The following ACSM6 variants were observed in gnomAD, a reference collection of about 807,000 sequenced individuals.
ACSM6 encodes the protein acyl-CoA synthetase medium chain family member 6, also known as acyl-coenzyme A synthetase ACSM6, mitochondrial.
Under a neutral mutation model 51.1 loss-of-function variants are expected in ACSM6, and 35 were observed. The observed-to-expected ratio is 0.69, with a 90% confidence interval of 0.52 to 0.91. ACSM6 has a LOEUF of 0.91. ACSM6 is among the 40% of genes least tolerant of loss of function. The probability of loss-of-function intolerance (pLI) is 0.00; values close to 1 mark genes in which losing one functional copy is unlikely to be tolerated. For synonymous variants in ACSM6, 172 were observed against 207.3 expected (o/e 0.83, Z 1.46); for missense variants, 509 against 584.1 (o/e 0.87, Z 1.32).
exon 11 of ACSM6, chr10:95,228,813 G>C: frequency 6.5e-7 from 1 of 1,542,564 alleles, no homozygotes. Flanking sequence ...TTGAGCCTGG[G>C]GCTGTGGGAG....
chr10:95,206,204 A>G (rs1459512871), intron 3 of ACSM6, among the ~76,000 whole-genome samples: 6 of 152,084 alleles, frequency 3.9e-5, no homozygotes, highest in Non-Finnish European at 7.4e-5. Flanking sequence ...TCTACTTCCT[A>G]TCTTTGGATT....
In ACSM6 at chr10:95,210,383, T is replaced by C. The variant is rs548033468; in HGVS notation, c.612-267T>C. On this transcript the variant is annotated intron_variant, in intron 4 of 10. Transcript: ENST00000341686. ...ATAATGATTACTACAGATTTTTGAC[T>C]TGAGCAATTGAATGAATAAAGAGGG... is the stretch of plus-strand genomic sequence containing the variant. Among the ~76,000 whole-genome samples the C allele has an allele frequency of 2.7e-3, 406 of 152,276 alleles. 2 individuals are homozygous for C. The highest frequency in any genetic ancestry group is 9.2e-3 in the African/African-American group (383 of 41,550).
chr10:95,222,123 G>A (rs904470596), intron 9 of ACSM6, among the ~76,000 whole-genome samples: 2 of 152,118 alleles, frequency 1.3e-5, no homozygotes, highest in Non-Finnish European at 2.9e-5. Flanking sequence ...CAGAAAGGAA[G>A]AAGTAAGATT....
At chr10:95,199,195 C>T (rs1218618557) in intron 2 of ACSM6, among the ~76,000 whole-genome samples, 12 of 152,164 alleles carry the variant, frequency 7.9e-5, no homozygotes, top group African/African-American at 2.2e-4. Context: ...GAAATAATGC[C>T]GCATATCTAC....
At chr10:95,221,617 C>A (rs2034996028) in intron 9 of ACSM6, among the ~76,000 whole-genome samples, 1 of 151,946 alleles carries the variant, frequency 6.6e-6, no homozygotes, top group African/African-American at 2.4e-5. Flanking sequence ...AATTATATGT[C>A]AACAAAATAG....
chr10:95,200,499 AAAGAAG>A (rs538640808), intron 2 of ACSM6, among the ~76,000 whole-genome samples: 4 of 151,822 alleles, frequency 2.6e-5, no homozygotes, highest in Non-Finnish European at 2.9e-5. Flanking sequence ...AAGAAGAAGA[AAAGAAG>A]AAGAAGAGGA....
chr10:95,205,152 A>T (rs1408554363), intron 3 of ACSM6, among the ~76,000 whole-genome samples: 1 of 152,236 alleles, frequency 6.6e-6, no homozygotes, highest in African/African-American at 2.4e-5. Flanking sequence ...TCAACATTAT[A>T]TCTGTAAACA....
intron 9 of ACSM6, among the ~76,000 whole-genome samples, chr10:95,224,470 G>GC (rs1212918447): frequency 6.6e-6 from 1 of 152,210 alleles, no homozygotes; most frequent in East Asian, 1.9e-4. Context: ...AGGCTGGGGT[G>GC]CAATGGCATG....
At chr10:95,204,357 A>AC (rs2034821766) in intron 3 of ACSM6, among the ~76,000 whole-genome samples, 1 of 152,008 alleles carries the variant, frequency 6.6e-6, no homozygotes, top group South Asian at 2.1e-4. Context: ...TTCGGGACCA[A>AC]CCTGGCCAAC....
chr10:95,213,837 A>G (rs1180853519), intron 7 of ACSM6, among the ~76,000 whole-genome samples: 1 of 152,218 alleles, frequency 6.6e-6, no homozygotes, highest in Non-Finnish European at 1.5e-5. Flanking sequence ...GGGCAAGGAC[A>G]TAAACTCTAC....
At chr10:95,213,052 T>C in intron 7 of ACSM6, 112 bp downstream of exon 7, 1 of 824,872 alleles carries the variant, frequency 1.2e-6, no homozygotes, top group Non-Finnish European at 2.0e-6. Context: ...GGTAACACAC[T>C]TGTCTTGTTG....
intron 5 of ACSM6, among the ~76,000 whole-genome samples, chr10:95,211,373 C>T (rs181142092): frequency 3.7e-4 from 56 of 152,288 alleles, no homozygotes; most frequent in Middle Eastern, 3.4e-3. Context: ...GTTAAGTTTC[C>T]CCACCTTACA....
chr10:95,206,619 C>A (rs2133377817), intron 3 of ACSM6, among the ~76,000 whole-genome samples: 1 of 152,232 alleles, frequency 6.6e-6, no homozygotes, highest in East Asian at 1.9e-4. Flanking sequence ...ACCAGTTAAT[C>A]CTAGAAGTAT....
intron 2 of ACSM6, among the ~76,000 whole-genome samples, chr10:95,198,054 G>A (rs1589489430): frequency 2.0e-5 from 3 of 152,316 alleles, no homozygotes; most frequent in African/African-American, 7.2e-5. Context: ...GTGAGCTCCA[G>A]GTTGGGTCAA....
At position 95,207,423 on chromosome 10, in the gene ACSM6, G is replaced by A; in HGVS notation, c.611+8G>A. The stretch of plus-strand genomic sequence containing the variant: ...TTTCAAGAAGTTGATTCAGTAAGTG[G>A]ACACTGAATATGAGATGCTTAAATG... On this transcript the variant is annotated splice_region_variant and intron_variant, in intron 4 of 10. Coordinates refer to ENST00000341686, the Ensembl canonical transcript of ACSM6. 1 of 1,605,998 alleles carries A rather than the reference G, an allele frequency of 6.2e-7. No homozygotes were observed. The highest frequency in any genetic ancestry group is 8.5e-7 in the Non-Finnish European group (1 of 1,172,618).
At chr10:95,207,006 A>G (rs1589493145) in intron 3 of ACSM6, among the ~76,000 whole-genome samples, 1 of 152,316 alleles carries the variant, frequency 6.6e-6, no homozygotes, top group Non-Finnish European at 1.5e-5. Flanking sequence ...AGAGCCACAG[A>G]TCACTGGATT....
chr10:95,223,465 A>T (rs1000242896), intron 9 of ACSM6, among the ~76,000 whole-genome samples: 1 of 152,232 alleles, frequency 6.6e-6, no homozygotes, highest in Non-Finnish European at 1.5e-5. Context: ...CTAACAAGGA[A>T]CATATAAATG....
intron 5 of ACSM6, among the ~76,000 whole-genome samples, chr10:95,211,549 A>G (rs1365526674): frequency 6.6e-6 from 1 of 152,258 alleles, no homozygotes; most frequent in African/African-American, 2.4e-5. Flanking sequence ...TCAGGTAGAG[A>G]AATAAAACAG....
At chr10:95,227,915 A>C (rs966229915) in intron 10 of ACSM6, among the ~76,000 whole-genome samples, 9 of 151,972 alleles carry the variant, frequency 5.9e-5, no homozygotes, top group African/African-American at 2.2e-4. Context: ...TAAAAATACA[A>C]AAAAAATTAG....
Sources: gnomAD v4.1 joint callset for allele counts (sites outside exome capture counted in the v4.1 genomes callset) on GRCh38, gnomAD v4.1.1 for gene constraint, MANE v1.5 for transcripts, NCBI Gene and HGNC (gene_info 2026-07-23, HGNC 2026-07-21) for gene names.